PCDH9: variants seen among roughly 807,000 people sequenced by gnomAD.
The protein encoded by PCDH9 is protocadherin-9.
A neutral mutation model predicts 70.6 loss-of-function variants in PCDH9; 24 were observed. That is an observed-to-expected ratio of 0.34 (90% CI 0.25 to 0.48). The LOEUF (loss-of-function observed/expected upper bound fraction) is 0.48. Among genes scored for constraint, PCDH9 ranks in the 20% least tolerant of loss-of-function variants. The pLI is 0.99. For synonymous variants in PCDH9, 562 were observed against 558.5 expected (o/e 1.01, Z -0.09); for missense variants, 1,281 against 1,503.6 (o/e 0.85, Z 2.45).
At chr13:66,644,701 A>T (rs777794242) in intron 3 of PCDH9, among the ~76,000 whole-genome samples, 5 of 152,006 alleles carry the variant, frequency 3.3e-5, no homozygotes, top group Non-Finnish European at 5.9e-5. Flanking sequence ...TATATTTCAA[A>T]AAAAAGTACT....
chr13:66,552,915 C>A (rs566249215), intron 4 of PCDH9, among the ~76,000 whole-genome samples: 1 of 152,170 alleles, frequency 6.6e-6, no homozygotes, highest in African/African-American at 2.4e-5. Context: ...GAAGGGGAAG[C>A]AAACACGTCC....
intron 4 of PCDH9, among the ~76,000 whole-genome samples, chr13:66,462,183 A>G (rs1958436779): frequency 6.6e-6 from 1 of 151,850 alleles, no homozygotes; most frequent in Non-Finnish European, 1.5e-5. Context: ...GATTATATAG[A>G]AAAAAACTGC....
chr13:66,713,275 G>A (rs1338630167), intron 3 of PCDH9, among the ~76,000 whole-genome samples: 2 of 151,874 alleles, frequency 1.3e-5, no homozygotes, highest in African/African-American at 4.8e-5. Context: ...TGTAATAAAT[G>A]TTTTGTGTTG....
intron 2 of PCDH9, chr13:67,219,282 A>G (rs1358107834): frequency 2.6e-5 from 4 of 152,022 alleles, no homozygotes; most frequent in Admixed American, 2.0e-4. Flanking sequence ...AATCATGGTA[A>G]TAAATCTTTT....
chr13:67,102,716 A>G (rs112633929), intron 2 of PCDH9, among the ~76,000 whole-genome samples: 3 of 152,186 alleles, frequency 2.0e-5, no homozygotes, highest in African/African-American at 7.2e-5. Flanking sequence ...AAGAGAGAGA[A>G]GGATTAGACC....
In PCDH9 at chr13:66,642,627, T is replaced by C. The variant is rs188584397; in HGVS notation, c.3139-11216A>G. Among the ~76,000 whole-genome samples the C allele has an allele frequency of 2.6e-5, 4 of 152,172 alleles. No homozygotes were observed. In the East Asian group the frequency reaches 7.7e-4, roughly 29 times the overall value. ...CGACACAGCCTCAAGGTGTCAACAC[T>C]TTGCCTTTCACGACCTGATTTTATT... On this transcript the variant is annotated intron_variant, in intron 3 of 4. Transcript: ENST00000377865.
chr13:66,508,459 C>T (rs906660302), intron 4 of PCDH9, among the ~76,000 whole-genome samples: 3 of 152,186 alleles, frequency 2.0e-5, no homozygotes, highest in Admixed American at 1.3e-4. Context: ...AAATATTGTG[C>T]TAGTCAGATA....
chr13:66,415,249 T>A (rs1398355139), intron 4 of PCDH9, among the ~76,000 whole-genome samples: 1 of 152,152 alleles, frequency 6.6e-6, no homozygotes. Context: ...CTAATCAAAT[T>A]AGTATACTTT....
chr13:67,061,784 T>A (rs898006679), intron 2 of PCDH9, among the ~76,000 whole-genome samples: 2 of 152,158 alleles, frequency 1.3e-5, no homozygotes, highest in Admixed American at 1.3e-4. Context: ...TCCTACTGTT[T>A]TACATTCTCA....
At chr13:66,764,503 A>G (rs556193395) in intron 3 of PCDH9, among the ~76,000 whole-genome samples, 62 of 152,174 alleles carry the variant, frequency 4.1e-4, no homozygotes, top group Admixed American at 1.0e-3. Flanking sequence ...TTACACCTCT[A>G]TCAAGGTAAA....
In PCDH9 at chr13:66,739,932, C is replaced by T. The variant is rs376112989; in HGVS notation, c.3139-108521G>A. Among the ~76,000 whole-genome samples the T allele has an allele frequency of 1.1e-3, 159 of 149,150 alleles. 1 individual carries two copies. The highest frequency in any genetic ancestry group is 1.8e-3 in the South Asian group (8 of 4,510). On this transcript the variant is annotated intron_variant, in intron 3 of 4. Coordinates refer to ENST00000377865, the MANE Select transcript of PCDH9 (RefSeq NM_203487.3). ...CCACTGTCAACATTAGACAGATCAA[C>T]GAGACAGAAAGTCAACAAGGATACC...
At position 66,626,951 on chromosome 13, in the gene PCDH9, C is replaced by CTGTGTGTG. The variant is rs10559380; in HGVS notation, c.3340+4251_3340+4258dup. Among the ~76,000 whole-genome samples the CTGTGTGTG allele has an allele frequency of 3.1e-3, 462 of 147,484 alleles. 4 individuals are homozygous for CTGTGTGTG. Among genetic ancestry groups the CTGTGTGTG allele is most frequent in the Middle Eastern group, 0.01 (3 of 294 alleles). Reference sequence around the variant, plus strand: ...GCCAGTATTATTAGATCAAATGCCACTGTGTGTGTGTGTGTGTGTGTGTGT... The same window carrying CTGTGTGTG: ...GCCAGTATTATTAGATCAAATGCCACTGTGTGTGTGTGTGTGTGTGTGTGTGTGTGTGT... On this transcript the variant is annotated intron_variant, in intron 4 of 4. Coordinates refer to ENST00000377865, the MANE Select transcript of PCDH9 (RefSeq NM_203487.3).
At chr13:66,650,968 T>G (rs1225682417) in intron 3 of PCDH9, among the ~76,000 whole-genome samples, 2 of 151,834 alleles carry the variant, frequency 1.3e-5, no homozygotes, top group Admixed American at 1.3e-4. Context: ...AAGGAAATTT[T>G]TTAAGTTCTT....
chr13:66,414,306 T>C (rs1431784891), intron 4 of PCDH9, among the ~76,000 whole-genome samples: 1 of 149,606 alleles, frequency 6.7e-6, no homozygotes, highest in Non-Finnish European at 1.5e-5. Flanking sequence ...ACAAAAGTTA[T>C]TTACTTTGGC....
intron 2 of PCDH9, among the ~76,000 whole-genome samples, chr13:67,161,598 A>T (rs1215758903): frequency 6.6e-6 from 1 of 152,220 alleles, no homozygotes; most frequent in East Asian, 1.9e-4. Context: ...TCTGCAGGTC[A>T]TACATAGACT....
chr13:66,493,979 A>G (rs927678903), intron 4 of PCDH9, among the ~76,000 whole-genome samples: 6 of 152,132 alleles, frequency 3.9e-5, no homozygotes, highest in African/African-American at 1.2e-4. Flanking sequence ...GCAATATTAA[A>G]CCATGATTAT....
intron 4 of PCDH9, among the ~76,000 whole-genome samples, chr13:66,412,619 G>A (rs1163437079): frequency 6.6e-6 from 1 of 152,040 alleles, no homozygotes; most frequent in Non-Finnish European, 1.5e-5. Flanking sequence ...TAGATAATTG[G>A]TATTCTGAAT....
At chr13:66,878,555 C>A (rs2081863366) in intron 3 of PCDH9, among the ~76,000 whole-genome samples, 1 of 152,070 alleles carries the variant, frequency 6.6e-6, no homozygotes, top group Non-Finnish European at 1.5e-5. Context: ...AAGAAAAAAT[C>A]TTGTATTTGG....
chr13:66,462,747 A>C (rs1465862330), intron 4 of PCDH9, among the ~76,000 whole-genome samples: 1 of 151,710 alleles, frequency 6.6e-6, no homozygotes, highest in African/African-American at 2.4e-5. Context: ...TGGAAAGATA[A>C]ATTAATACAT....
Sources: allele counts gnomAD v4.1 joint callset (sites outside exome capture counted in the v4.1 genomes callset), GRCh38; gene constraint gnomAD v4.1.1; transcripts MANE v1.5; gene names NCBI Gene and HGNC (gene_info 2026-07-23, HGNC 2026-07-21).